CUL9: variants seen among roughly 807,000 people sequenced by gnomAD.
The protein encoded by CUL9 is cullin 9.
In CUL9, 79 loss-of-function variants were observed where a neutral mutation model predicts 272.6. The ratio of observed to expected loss-of-function variants is 0.29; its 90% CI spans 0.24 to 0.35. CUL9 has a LOEUF of 0.35. Among genes scored for constraint, CUL9 ranks in the 10% least tolerant of loss-of-function variants. CUL9 has a pLI of 1.00. For synonymous variants in CUL9, 1,186 were observed against 1,286.5 expected, an observed-to-expected ratio of 0.92 and a Z score of 1.67; for missense variants, 2,532 against 3,255.6, an observed-to-expected ratio of 0.78 and a Z score of 5.41.
chr6:43,195,724 G>T (rs989315232), intron 9 of CUL9, among the ~76,000 whole-genome samples: 3 of 152,126 alleles, frequency 2.0e-5, no homozygotes, highest in African/African-American at 7.2e-5. Context: ...GCTGCGAGGG[G>T]CACCATCCTG....
At chr6:43,191,539 C>T in intron 8 of CUL9, among the ~76,000 whole-genome samples, 1 of 140,644 alleles carries the variant, frequency 7.1e-6, no homozygotes, top group Non-Finnish European at 1.5e-5. Context: ...ACTATGTTGC[C>T]CAGGCTGGTT....
rs780216534 is a variant in CUL9 at position 43,196,164 on chromosome 6, C to G, written c.2484C>G (p.Thr828=). 1.2e-6 allele frequency: 2 copies of G among 1,614,040 alleles called. No individual in the cohort carries two copies. The highest frequency in any genetic ancestry group is 2.7e-5 in the African/African-American group (2 of 74,924). The change falls in exon 10 of 41, where the codon ACC becomes ACG. Residue 828 remains threonine (T), a synonymous_variant. Coordinates refer to ENST00000252050, the MANE Select transcript of CUL9 (RefSeq NM_015089.4). ...ACTCTTTGTTTGATGCTCAGATGAC[C>G]AGAGAGATCTTCGCCAGCATCGACT... The part of the protein sequence containing the change: ...SIHSLFDAQM[T]REIFASIDSA...
intron 9 of CUL9, among the ~76,000 whole-genome samples, chr6:43,195,271 C>CT (rs1412636030): frequency 6.6e-6 from 1 of 152,160 alleles, no homozygotes; most frequent in Non-Finnish European, 1.5e-5. Flanking sequence ...AGAATCAACC[C>CT]TTTTACCAGG....
chr6:43,199,865 C>G lies in CUL9; in HGVS notation c.3157-64C>G. ...CGACACTTCCTTTACTGAACCCTCT[C>G]CTCAATCCTTACATGTCCTACCTCT... On this transcript the variant is annotated intron_variant, in intron 13 of 40. Transcript: ENST00000252050. This position sits in a 1 kb window ranked among gnomAD's most constrained non-coding sequence, Gnocchi z 4.4. 7.5e-7 allele frequency: 1 copy of G among 1,332,400 alleles called. No individual in the cohort carries two copies. Among genetic ancestry groups the G allele is most frequent in the Non-Finnish European group, 1.1e-6 (1 of 927,862 alleles). 82.5% of individuals were successfully genotyped at this position (1,332,400 alleles called of 1,614,324 possible). A position where few individuals can be genotyped will look rare whatever the true frequency, so the allele number is the denominator to read the frequency against.
Position 43,220,825 on chromosome 6 carries a change from C to G in CUL9, c.6502C>G (p.Arg2168Gly). 1.2e-6 allele frequency: 2 copies of G among 1,613,690 alleles called. No homozygotes were observed. The highest frequency in any genetic ancestry group is 2.2e-5 in the East Asian group (1 of 44,876). The change falls in exon 33 of 41, where the codon CGC becomes GGC. Residue 2168 changes from arginine to glycine, a missense_variant. Arg to Gly is a moderately radical substitution (Grantham distance 125). Around this residue, in one of 3 missense-constraint regions of CUL9, gnomAD observed 77 missense variants for 161.1 expected, o/e 0.48. Coordinates refer to ENST00000252050, the MANE Select transcript of CUL9 (RefSeq NM_015089.4). This position sits in a 1 kb window ranked among gnomAD's most constrained non-coding sequence, Gnocchi z 4.9. ...TWCTNPQGCD[R>G]ILCRQGLGCG... ...GTGCACCAACCCCCAGGGCTGCGAC[C>G]GCATCCTGTGCCGCCAGGGCCTGGG...
rs1230345462 is a variant in CUL9, at chr6:43,200,151, A to G, written c.3379A>G (p.Ile1127Val). 1.9e-6 allele frequency: 3 copies of G among 1,613,684 alleles called. No homozygotes were observed. The highest frequency in any genetic ancestry group is 3.3e-5 in the Admixed American group (2 of 59,972). The stretch of plus-strand genomic sequence containing the variant: ...CACCTCCAGCATCCTGGCCGGCTGC[A>G]TTCAGGTGAGGAGCGGCTGTGGGTA... ...NLTSSILAGC[I>V]QMVLGQIEDH... Residue 1127 changes from isoleucine to valine, a missense_variant, in exon 14 of 41, where the codon ATT (isoleucine) becomes GTT (valine). This residue lies in a region of CUL9 where 2,218 missense variants were observed against 2,788.6 expected (regional missense o/e 0.80). Coordinates refer to ENST00000252050, the MANE Select transcript of CUL9 (RefSeq NM_015089.4). The surrounding 1 kb of genome is among the most constrained non-coding windows in gnomAD (Gnocchi z 4.0).
Position 43,221,467 on chromosome 6 carries a change from T to G in CUL9, c.6752+146T>G. The G allele has an allele frequency of 1.0e-6, 1 of 1,003,502 alleles. No homozygotes were observed. The highest frequency in any genetic ancestry group is 1.4e-6 in the Non-Finnish European group (1 of 697,722). The allele number at this position is 1,003,502 out of a possible 1,614,324, so 62.2% of individuals were successfully genotyped here. A position where few individuals can be genotyped will look rare whatever the true frequency, so the allele number is the denominator to read the frequency against. On this transcript the variant is annotated intron_variant, in intron 34 of 40. Transcript: ENST00000252050. This position sits in a 1 kb window ranked among gnomAD's most constrained non-coding sequence, Gnocchi z 4.2. ...CTCACGTGGCAGCCTCCACGGTGACTTCCTGGATCTTAATGTTCCTTCTCC... is the reference window on the plus strand; with the variant it reads ...CTCACGTGGCAGCCTCCACGGTGACGTCCTGGATCTTAATGTTCCTTCTCC...
intron 6 of CUL9, 79 bp downstream of exon 6, chr6:43,187,518 GTTACCGC>G (rs1773037102): frequency 6.8e-7 from 1 of 1,475,494 alleles, no homozygotes. Context: ...TCAGATAGGG[GTTACCGC>G]TTAGGGGGAG....
Position 43,186,040 on chromosome 6 carries a change from T to C in CUL9, c.836T>C (p.Leu279Pro). 6.2e-7 allele frequency: 1 copy of C among 1,614,228 alleles called. No individual in the cohort carries two copies. The highest frequency in any genetic ancestry group is 8.5e-7 in the Non-Finnish European group (1 of 1,180,024). Residue 279 changes from leucine (L) to proline (P), a missense_variant, in exon 4 of 41, where the codon CTG becomes CCG. Transcript: ENST00000252050. ...GATCAGCTGAATAGCAGTCCAGAGC[T>C]GGGAGCTGGAGACCAAAGCTCCCCA... is the stretch of plus-strand genomic sequence containing the variant. ...LLDQLNSSPE[L>P]GAGDQSSPCA...
intron 10 of CUL9, 111 bp downstream of exon 10, chr6:43,196,376 G>A (rs1241018861): frequency 2.0e-5 from 22 of 1,114,302 alleles, no homozygotes; most frequent in South Asian, 1.9e-4. Flanking sequence ...TGTCACCTCC[G>A]GATTAAGCAT....
chr6:43,198,751 G>GC lies in CUL9; in HGVS notation c.2950dup (p.Leu984ProfsTer44). ...AGGGCAGCCCCGGAGGTGCCGTGAG[G>GC]CCCCTCCTCAAGCGCCTCCAGCAGG... On this transcript the variant is annotated frameshift_variant, in exon 12 of 41. Transcript: ENST00000252050. LOFTEE classifies it high-confidence loss of function. 6.2e-7 allele frequency: 1 copy of GC among 1,614,082 alleles called. No homozygotes were observed. The highest frequency in any genetic ancestry group is 8.5e-7 in the Non-Finnish European group (1 of 1,180,004).
chr6:43,223,314 C>T lies in CUL9; in HGVS notation c.7201C>T (p.Arg2401Trp), dbSNP rs943334996. The T allele has an allele frequency of 8.1e-6, 13 of 1,600,438 alleles. No homozygotes were observed. Among genetic ancestry groups the T allele is most frequent in the African/African-American group, 1.3e-5 (1 of 74,736 alleles). The change falls in exon 39 of 41, where the codon CGG (arginine) becomes TGG (tryptophan). Residue 2401 changes from arginine (R) to tryptophan (W), a missense_variant. Coordinates refer to ENST00000252050, the MANE Select transcript of CUL9 (RefSeq NM_015089.4). The surrounding 1 kb of genome is among the most constrained non-coding windows in gnomAD (Gnocchi z 4.1). ...CCTGGCCTCCTCCCTGCGCCTCCTG[C>T]GGGCCGACTGCCTCAGCACGGGCAT... ...RDLASSLRLLRADCLSTGMEL... is the reference protein window; with the variant it reads ...RDLASSLRLLWADCLSTGMEL...
At chr6:43,198,199 C>G in intron 11 of CUL9, 1 of 930,444 alleles carries the variant, frequency 1.1e-6, no homozygotes, top group East Asian at 1.2e-4. Flanking sequence ...CAAGATCATG[C>G]CACTGCACTC....
At position 43,193,208 on chromosome 6, in the gene CUL9, G is replaced by C. The variant is rs764065423; in HGVS notation, c.2388G>C (p.Ala796=). The C allele has an allele frequency of 6.2e-7, 1 of 1,613,826 alleles. No individual in the cohort carries two copies. The highest frequency in any genetic ancestry group is 1.1e-5 in the South Asian group (1 of 91,056). The change falls in exon 9 of 41, where the codon GCG becomes GCC. Residue 796 remains alanine, a splice_region_variant and synonymous_variant. Coordinates refer to ENST00000252050, the MANE Select transcript of CUL9 (RefSeq NM_015089.4). ...TSVLVQQAGL[A]ALKMLAVASS... is the part of the protein sequence containing the mutation. Reference sequence around the variant, plus strand: ...TCTTGGTGCAGCAGGCTGGGCTGGCGGTGAGTACATTGGGCCTGGCGGGAG... The same window carrying C: ...TCTTGGTGCAGCAGGCTGGGCTGGCCGTGAGTACATTGGGCCTGGCGGGAG...
In CUL9 at chr6:43,186,307, A is replaced by G; in HGVS notation, c.1103A>G (p.Glu368Gly). 1 of 1,614,176 alleles carries G rather than the reference A, an allele frequency of 6.2e-7. No individual in the cohort carries two copies. Residue 368 changes from glutamate to glycine, a missense_variant, in exon 4 of 41, where the codon GAA becomes GGA. Around this residue, in one of 3 missense-constraint regions of CUL9, gnomAD observed 2,218 missense variants for 2,788.6 expected, o/e 0.80. Coordinates refer to ENST00000252050, the MANE Select transcript of CUL9 (RefSeq NM_015089.4). Reference sequence around the variant, plus strand: ...GGGTGGGTCTTCCGCCAGCGCTCTGAATTCTCCAGCCGTAGTGGCTATGGA... The same window carrying G: ...GGGTGGGTCTTCCGCCAGCGCTCTGGATTCTCCAGCCGTAGTGGCTATGGA... The part of the protein sequence containing the change: ...RQGWVFRQRS[E>G]FSSRSGYGEY...
intron 4 of CUL9, 159 bp from the exon 5 acceptor site, chr6:43,186,801 C>G: frequency 2.4e-6 from 2 of 843,728 alleles, no homozygotes; most frequent in Non-Finnish European, 3.6e-6. Flanking sequence ...GGGAAGGAAG[C>G]CTTTTGCCAT....
At chr6:43,208,266 A>G (rs554732321) in intron 26 of CUL9, among the ~76,000 whole-genome samples, 3 of 152,220 alleles carry the variant, frequency 2.0e-5, no homozygotes, top group Admixed American at 2.0e-4. Flanking sequence ...CAGTGGCTTG[A>G]TCTTGGCTCA....
Position 43,198,790 on chromosome 6 carries a change from C to A in CUL9, c.2985C>A (p.Phe995Leu). Residue 995 changes from phenylalanine (F) to leucine (L), a missense_variant, in exon 12 of 41, where the codon TTC (phenylalanine) becomes TTA (leucine). Physicochemically the swap from Phe to Leu is conservative, Grantham distance 22. Around this residue, in one of 3 missense-constraint regions of CUL9, gnomAD observed 2,218 missense variants for 2,788.6 expected, o/e 0.80. Coordinates refer to ENST00000252050, the MANE Select transcript of CUL9 (RefSeq NM_015089.4). ...LKRLQQETQP[F>L]LLLLRTLDAP... Reference sequence around the variant, plus strand: ...GCCTCCAGCAGGAGACCCAGCCTTTCCTCCTGTTGCTGCGGACTCTGGATG... The same window carrying A: ...GCCTCCAGCAGGAGACCCAGCCTTTACTCCTGTTGCTGCGGACTCTGGATG... 1 of 1,614,004 alleles carries A rather than the reference C, an allele frequency of 6.2e-7. No individual in the cohort carries two copies. The highest frequency in any genetic ancestry group is 8.5e-7 in the Non-Finnish European group (1 of 1,180,050).
rs1400630580 is a variant in CUL9 at position 43,207,986 on chromosome 6, C to T, written c.5212+1476C>T. On this transcript the variant is annotated intron_variant, in intron 26 of 40. Coordinates refer to ENST00000252050, the MANE Select transcript of CUL9 (RefSeq NM_015089.4). ...CACTATGATGGTGAATTTTTTAAAA[C>T]CGCTAATCATACTGGTTTAACTGTA... is the stretch of plus-strand genomic sequence containing the variant. Among the ~76,000 whole-genome samples the T allele has an allele frequency of 2.0e-5, 3 of 152,154 alleles. No homozygotes were observed. The East Asian group carries it at 5.8e-4, about 29-fold the overall frequency.
Sources: allele counts gnomAD v4.1 joint callset (sites outside exome capture counted in the v4.1 genomes callset), GRCh38; gene constraint gnomAD v4.1.1; regional missense constraint gnomAD v4.1.1; non-coding constraint Gnocchi (gnomAD v3.1); transcripts MANE v1.5; gene names NCBI Gene and HGNC (gene_info 2026-07-23, HGNC 2026-07-21).